CCR6: variants seen among roughly 807,000 people sequenced by gnomAD.
The protein encoded by CCR6 is C-C motif chemokine receptor 6, also known as C-C chemokine receptor type 6.
In CCR6, 2 loss-of-function variants were observed where a neutral mutation model predicts 3.0. The observed-to-expected ratio is 0.66, with a 90% CI of 0.27 to 2.07. The LOEUF (loss-of-function observed/expected upper bound fraction) is 2.07. Among genes scored for constraint, CCR6 ranks in the 30% most tolerant of loss-of-function variants. The pLI, the probability that CCR6 is intolerant of heterozygous loss-of-function variation, is 0.14. For missense variants in CCR6, 322 were observed against 462.8 expected (o/e 0.70, Z 2.79); for synonymous variants, 193 against 184.3 (o/e 1.05, Z -0.38).
In CCR6 at chr6:167,136,569, C is replaced by T. The variant is rs761331255; in HGVS notation, c.339C>T (p.Phe113=). 3.1e-6 allele frequency: 5 copies of T among 1,606,678 alleles called. No individual in the cohort carries two copies. The East Asian group carries it at 8.9e-5, about 29-fold the overall frequency. The part of the protein sequence containing the change: ...AVSHATGAWV[F]SNATCKLLKG... ...GTCATGCCACCGGTGCGTGGGTTTT[C>T]AGCAATGCCACGTGCAAGTTGCTAA... The change falls in exon 3 of 3, where the codon TTC becomes TTT. Residue 113 remains phenylalanine (F), a synonymous_variant. Transcript: ENST00000341935. The surrounding 1 kb of genome is among the most constrained non-coding windows in gnomAD (Gnocchi z 4.6).
chr6:167,139,005 T>C lies in CCR6; in HGVS notation c.*1650T>C, dbSNP rs1192989038. ...TGTTTAAACCTGACAATGGTGTTAT[T>C]TGAAACTTTATATTGTTCTTGTAAG... On this transcript the variant is annotated 3_prime_UTR_variant, in exon 3 of 3. Coordinates refer to ENST00000341935, the MANE Select transcript of CCR6 (RefSeq NM_031409.4). 3 of 152,302 alleles carry C rather than the reference T, an allele frequency of 2.0e-5. No homozygotes were observed. The highest frequency in any genetic ancestry group is 2.1e-4 in the South Asian group (1 of 4,828). The allele number at this position is 152,302 out of a possible 1,614,324, so 9.4% of individuals were successfully genotyped here.
rs1230645405 is a variant in CCR6 at position 167,138,854 on chromosome 6, AG to A, written c.*1501del. Reference sequence around the variant, plus strand: ...TGAGGCAAGAGAATCGCTTGAACCCAGGAGGCAGAGGTTGCAGTGAGCCGAG... The same window carrying A: ...TGAGGCAAGAGAATCGCTTGAACCCAGAGGCAGAGGTTGCAGTGAGCCGAG... On this transcript the variant is annotated 3_prime_UTR_variant, in exon 3 of 3. Transcript: ENST00000341935. 2 of 140,768 alleles carry A rather than the reference AG, an allele frequency of 1.4e-5. No homozygotes were observed. The highest frequency in any genetic ancestry group is 5.2e-5 in the African/African-American group (2 of 38,784). The allele number at this position is 140,768 out of a possible 1,614,324, so 8.7% of individuals were successfully genotyped here.
chr6:167,134,693 G>A (rs1379012488), intron 1 of CCR6, among the ~76,000 whole-genome samples: 2 of 152,180 alleles, frequency 1.3e-5, no homozygotes, highest in African/African-American at 4.8e-5. Flanking sequence ...TGTGCACCTG[G>A]GGCTGCACTT....
intron 1 of CCR6, among the ~76,000 whole-genome samples, chr6:167,114,225 C>T (rs530470150): frequency 4.8e-4 from 73 of 152,350 alleles, no homozygotes; most frequent in African/African-American, 1.4e-3. Context: ...AGGACGTCAT[C>T]CTCCCTGTGC....
intron 1 of CCR6, among the ~76,000 whole-genome samples, chr6:167,124,332 T>A (rs76287913): frequency 0.042 from 5,692 of 136,602 alleles, 306 homozygotes; most frequent in African/African-American, 0.13. Flanking sequence ...AAAAAAAAAA[T>A]CAAACCTCCT....
chr6:167,128,434 A>C (rs1450344453), intron 1 of CCR6, among the ~76,000 whole-genome samples: 4 of 152,248 alleles, frequency 2.6e-5, no homozygotes, highest in Non-Finnish European at 4.4e-5. Context: ...CTGGCTTTCC[A>C]GCTGGCTGGA....
chr6:167,125,982 GTTA>G (rs1338115616), intron 1 of CCR6, among the ~76,000 whole-genome samples: 3 of 152,282 alleles, frequency 2.0e-5, no homozygotes, highest in Non-Finnish European at 4.4e-5. Flanking sequence ...CAGAGGCTAA[GTTA>G]TTACTTACCA....
intron 1 of CCR6, among the ~76,000 whole-genome samples, chr6:167,117,255 C>T (rs1781508902): frequency 6.6e-6 from 1 of 151,660 alleles, no homozygotes; most frequent in African/African-American, 2.4e-5. Flanking sequence ...CCTACCACAG[C>T]CTCTGCATCC....
In CCR6 at chr6:167,137,560, TG is replaced by T. The variant is rs2114941174; in HGVS notation, c.*206del. On this transcript the variant is annotated 3_prime_UTR_variant, in exon 3 of 3. Transcript: ENST00000341935. The surrounding 1 kb of genome is among the most constrained non-coding windows in gnomAD (Gnocchi z 4.6). ...TGATAGGTAGCATTTTCCAGCACTT[TG>T]CAAGGAATGTTTTGTAGCTCTAGGG... 1 of 538,338 alleles carries T rather than the reference TG, an allele frequency of 1.9e-6. No individual in the cohort carries two copies. Among genetic ancestry groups the T allele is most frequent in the South Asian group, 2.5e-5 (1 of 39,452 alleles). 33.3% of individuals were successfully genotyped at this position (538,338 alleles called of 1,614,324 possible). A position where few individuals can be genotyped will look rare whatever the true frequency, so the allele number is the denominator to read the frequency against.
At chr6:167,129,859 A>G (rs1781726021) in intron 1 of CCR6, among the ~76,000 whole-genome samples, 1 of 151,616 alleles carries the variant, frequency 6.6e-6, no homozygotes, top group African/African-American at 2.4e-5. Flanking sequence ...GCAACAATCG[A>G]CACTTTACTT....
In CCR6 at chr6:167,137,043, C is replaced by T. The variant is rs767629049; in HGVS notation, c.813C>T (p.Asn271=). The change falls in exon 3 of 3, where the codon AAC becomes AAT. Residue 271 remains asparagine (N), a synonymous_variant. Coordinates refer to ENST00000341935, the MANE Select transcript of CCR6 (RefSeq NM_031409.4). This position sits in a 1 kb window ranked among gnomAD's most constrained non-coding sequence, Gnocchi z 4.6. ...LVFLACQIPH[N]MVLLVTAANL... is the part of the protein sequence containing the mutation. Reference sequence around the variant, plus strand: ...TTCTGGCTTGTCAGATTCCTCATAACATGGTCCTGCTTGTGACGGCTGCAA... The same window carrying T: ...TTCTGGCTTGTCAGATTCCTCATAATATGGTCCTGCTTGTGACGGCTGCAA... 47 of 1,614,072 alleles carry T rather than the reference C, an allele frequency of 2.9e-5. 1 individual carries two copies. In the Admixed American group the frequency reaches 6.8e-4, roughly 23 times the overall value.
intron 1 of CCR6, among the ~76,000 whole-genome samples, chr6:167,130,726 A>G (rs142045944): frequency 6.6e-6 from 1 of 151,982 alleles, no homozygotes; most frequent in Non-Finnish European, 1.5e-5. Context: ...TATACCTAAC[A>G]CGTGCAAAAC....
intron 1 of CCR6, among the ~76,000 whole-genome samples, chr6:167,117,424 T>C (rs1279030616): frequency 1.0e-3 from 147 of 142,964 alleles, no homozygotes; most frequent in African/African-American, 3.5e-3. Flanking sequence ...TCTTTTTTTT[T>C]TTTTTTTTTT....
chr6:167,122,527 G>C (rs1781604836), upstream of CCR6, among the ~76,000 whole-genome samples: 2 of 152,198 alleles, frequency 1.3e-5, no homozygotes, highest in Non-Finnish European at 2.9e-5. This position sits in a 1 kb window ranked among gnomAD's most constrained non-coding sequence, Gnocchi z 4.2. Flanking sequence ...AATAATAGCT[G>C]AGATGCATGG....
chr6:167,122,851 T>C (rs1781609049), upstream of CCR6: 1 of 152,326 alleles, frequency 6.6e-6, no homozygotes, highest in Non-Finnish European at 1.5e-5. The surrounding 1 kb of genome is among the most constrained non-coding windows in gnomAD (Gnocchi z 4.2). Flanking sequence ...GTATGAAAGT[T>C]TGGGTACAAA....
intron 1 of CCR6, chr6:167,116,291 C>T (rs1012772064): frequency 1.3e-5 from 2 of 152,354 alleles, no homozygotes; most frequent in South Asian, 2.1e-4. Context: ...CTCTCCAGAG[C>T]CTCTGGAGTC....
intron 1 of CCR6, among the ~76,000 whole-genome samples, chr6:167,113,297 C>T (rs1466232899): frequency 6.6e-6 from 1 of 152,034 alleles, no homozygotes; most frequent in Non-Finnish European, 1.5e-5. Context: ...TAAGGGGGGG[C>T]TGTTTGGTTT....
rs1234984057 is a variant in CCR6, at chr6:167,137,423, T to C, written c.*68T>C. ...TAGATGTTATGCAAAAAAAAGTCTA[T>C]GGCCAGGTATGCATGGAAAATGTGG... On this transcript the variant is annotated 3_prime_UTR_variant, in exon 3 of 3. Transcript: ENST00000341935. The surrounding 1 kb of genome is among the most constrained non-coding windows in gnomAD (Gnocchi z 4.6). 49 of 1,451,252 alleles carry C rather than the reference T, an allele frequency of 3.4e-5. No individual in the cohort carries two copies. The highest frequency in any genetic ancestry group is 4.5e-5 in the Non-Finnish European group (48 of 1,076,384). The allele number at this position is 1,451,252 out of a possible 1,614,324, so 89.9% of individuals were successfully genotyped here.
chr6:167,130,096 C>T (rs1423804188), intron 1 of CCR6, among the ~76,000 whole-genome samples: 2 of 151,624 alleles, frequency 1.3e-5, no homozygotes, highest in Non-Finnish European at 2.9e-5. Flanking sequence ...ATCAGTTGAG[C>T]TGAATGTATT....
Sources: gnomAD v4.1 joint callset for allele counts (sites outside exome capture counted in the v4.1 genomes callset) on GRCh38, gnomAD v4.1.1 for gene constraint, Gnocchi (gnomAD v3.1) non-coding constraint, MANE v1.5 for transcripts, NCBI Gene and HGNC (gene_info 2026-07-23, HGNC 2026-07-21) for gene names.